The following TTC6 variants were observed in gnomAD, a reference collection of about 807,000 sequenced individuals.
The protein encoded by TTC6 is tetratricopeptide repeat protein 6.
A neutral mutation model predicts 210.4 loss-of-function variants in TTC6; 172 were observed. The observed-to-expected ratio is 0.82, with a 90% confidence interval of 0.72 to 0.93. The LOEUF is 0.93. TTC6 is among the 40% of genes least tolerant of loss of function. TTC6 has a pLI of 0.00. For synonymous variants in TTC6, 804 were observed against 819.6 expected (o/e 0.98, Z 0.32); for missense variants, 2,414 against 2,318.1 (o/e 1.04, Z -0.85).
intron 14 of TTC6, 123 bp from the exon 17 acceptor site, chr14:37,787,345 C>T (rs1313410574): frequency 1.4e-6 from 1 of 737,016 alleles, no homozygotes; most frequent in South Asian, 3.1e-5. Flanking sequence ...ACTAAACTCT[C>T]TTGTGAAGCA....
intron 1 of TTC6, among the ~76,000 whole-genome samples, chr14:37,661,396 A>T (rs2095737070): frequency 6.6e-6 from 1 of 152,198 alleles, no homozygotes; most frequent in South Asian, 2.1e-4. Context: ...ATGGATAGCC[A>T]GTTCTCCTAG....
chr14:37,826,468 ATTTTTT>A, intron 28 of TTC6, 121 bp downstream of exon 30: 1 of 923,666 alleles, frequency 1.1e-6, no homozygotes, highest in Non-Finnish European at 1.5e-6. Context: ...AATGTTTTGT[ATTTTTT>A]TTTAACCCAA....
chr14:37,774,378 T>G (rs533014510), intron 14 of TTC6, among the ~76,000 whole-genome samples: 2 of 152,234 alleles, frequency 1.3e-5, no homozygotes, highest in South Asian at 4.1e-4. Context: ...TCCATCCAAT[T>G]TGGTGTTGAG....
At chr14:37,792,582 C>A (rs187394171) in intron 17 of TTC6, among the ~76,000 whole-genome samples, 168 bp downstream of exon 19, 1 of 152,052 alleles carries the variant, frequency 6.6e-6, no homozygotes, top group East Asian at 1.9e-4. Flanking sequence ...ATTTATAAAG[C>A]CTCTACTTTC....
At position 37,598,264 on chromosome 14, in the gene TTC6, C is replaced by T. The variant is rs1354635935; in HGVS notation, c.-235+2256C>T. On this transcript the variant is annotated intron_variant, in intron 1 of 2. Coordinates refer to the TTC6 transcript ENST00000556845. The surrounding 1 kb of genome is among the most constrained non-coding windows in gnomAD (Gnocchi z 4.9). The stretch of plus-strand genomic sequence containing the variant: ...ACTCGGGGCAGGGTACCCGCGAGGG[C>T]AGGCACGTGGCGGCTCCTGCGGTGT... Among the ~76,000 whole-genome samples the T allele has an allele frequency of 6.6e-6, 1 of 152,172 alleles. No individual in the cohort carries two copies. The highest frequency in any genetic ancestry group is 1.5e-5 in the Non-Finnish European group (1 of 68,032).
At chr14:37,804,612 G>A in intron 20 of TTC6, 68 bp from the exon 23 acceptor site, 1 of 1,557,934 alleles carries the variant, frequency 6.4e-7, no homozygotes, top group East Asian at 2.2e-5. Flanking sequence ...AACATATAAG[G>A]CTGTAACGTT....
chr14:37,780,087 G>A (rs1007385862), intron 14 of TTC6, among the ~76,000 whole-genome samples: 1 of 152,026 alleles, frequency 6.6e-6, no homozygotes, highest in Admixed American at 6.6e-5. Flanking sequence ...ATGCTACACA[G>A]AATATTACAA....
chr14:37,789,620 T>C (rs1021067489), intron 15 of TTC6, among the ~76,000 whole-genome samples: 4 of 104,042 alleles, frequency 3.8e-5, no homozygotes, highest in African/African-American at 1.1e-4. Context: ...ATATATATTG[T>C]ATATACTCTA....
At chr14:37,654,876 TG>T (rs910594221) in intron 1 of TTC6, among the ~76,000 whole-genome samples, 412 of 152,150 alleles carry the variant, frequency 2.7e-3, no homozygotes, top group African/African-American at 9.4e-3. Context: ...TTGAAAACTG[TG>T]GTTTTCTAAT....
intron 20 of TTC6, among the ~76,000 whole-genome samples, chr14:37,800,761 G>A (rs1222268332): frequency 1.3e-5 from 2 of 152,118 alleles, no homozygotes; most frequent in African/African-American, 4.8e-5. Context: ...GTGAATCCCT[G>A]TGAAATCCAT....
At chr14:37,713,857 G>A (rs2095848384) in intron 5 of TTC6, among the ~76,000 whole-genome samples, 2 of 152,216 alleles carry the variant, frequency 1.3e-5, no homozygotes, top group South Asian at 4.1e-4. Context: ...TTGGTAACTC[G>A]TAATGTGTTT....
At chr14:37,597,978 C>A (rs544163317) in intron 1 of TTC6, among the ~76,000 whole-genome samples, 1 of 152,306 alleles carries the variant, frequency 6.6e-6, no homozygotes, top group South Asian at 2.1e-4. Context: ...GCCAGCCAGT[C>A]ACTTTCCCTG....
At chr14:37,831,491 T>G (rs944128044) in intron 29 of TTC6, among the ~76,000 whole-genome samples, 1 of 152,152 alleles carries the variant, frequency 6.6e-6, no homozygotes, top group African/African-American at 2.4e-5. Context: ...TGAGGAACCT[T>G]CATACAGTTT....
intron 29 of TTC6, among the ~76,000 whole-genome samples, chr14:37,832,779 G>A (rs1441251180): frequency 6.6e-6 from 1 of 152,002 alleles, no homozygotes; most frequent in African/African-American, 2.4e-5. Context: ...GGGTATTCTG[G>A]CCACGCGCGG....
intron 14 of TTC6, among the ~76,000 whole-genome samples, 190 bp from the exon 17 acceptor site, chr14:37,787,278 A>G (rs2096070041): frequency 1.3e-5 from 2 of 152,224 alleles, no homozygotes; most frequent in Non-Finnish European, 2.9e-5. Context: ...TTATGTATAC[A>G]ATAAAGTGTA....
upstream of TTC6, among the ~76,000 whole-genome samples, chr14:37,620,150 G>A (rs2095648975): frequency 6.6e-6 from 1 of 152,054 alleles, no homozygotes; most frequent in South Asian, 2.1e-4. Context: ...TGTTGCCCAG[G>A]CTAGAGTCCA....
rs563047654 is a variant in TTC6 at position 37,783,149 on chromosome 14, G to A, written c.3267-4319G>A. Among the ~76,000 whole-genome samples the A allele has an allele frequency of 1.6e-4, 24 of 152,272 alleles. No homozygotes were observed. The South Asian group carries it at 5.0e-3, about 32-fold the overall frequency. On this transcript the variant is annotated intron_variant, in intron 14 of 30. Transcript: ENST00000553443. ...GAGGATGATGCTGGCCTCATAAAAT[G>A]AGTTAGGGAGAATTCCCTCTTTTTC...
chr14:37,726,054 C>A (rs183945472), intron 7 of TTC6, among the ~76,000 whole-genome samples: 24 of 152,090 alleles, frequency 1.6e-4, no homozygotes, highest in Middle Eastern at 6.8e-3. Context: ...TGTAAAAATT[C>A]TTCTCCTTCT....
At chr14:37,604,181 A>G (rs2095620919) in intron 1 of TTC6, among the ~76,000 whole-genome samples, 1 of 152,138 alleles carries the variant, frequency 6.6e-6, no homozygotes, top group African/African-American at 2.4e-5. Flanking sequence ...TCCCATGGGA[A>G]CTGGGCTGCC....
Sources: allele counts gnomAD v4.1 joint callset (sites outside exome capture counted in the v4.1 genomes callset), GRCh38; gene constraint gnomAD v4.1.1; non-coding constraint Gnocchi (gnomAD v3.1); transcripts MANE v1.5; gene names NCBI Gene and HGNC (gene_info 2026-07-23, HGNC 2026-07-21).